SNX29: variants seen among roughly 807,000 people sequenced by gnomAD.
The protein encoded by SNX29 is sorting nexin-29.
Under a neutral mutation model 102.1 loss-of-function variants are expected in SNX29, and 78 were observed. That is an observed-to-expected ratio of 0.76 (90% CI 0.64 to 0.92). The LOEUF (loss-of-function observed/expected upper bound fraction) is 0.92. SNX29 is among the 40% of genes least tolerant of loss of function. The pLI is 0.00. For synonymous variants in SNX29, 580 were observed against 414.5 expected (o/e 1.40, Z -4.85); for missense variants, 1,280 against 1,061.7 (o/e 1.21, Z -2.86).
Position 12,571,159 on chromosome 16 carries a change from C to G in SNX29, c.*2530C>G, listed in dbSNP as rs1258559547. ...GGTCCATCTTGCTGCTCAGAAGAAT[C>G]CCGTCCTGCTCTCTAGTGTGGTGGG... is the stretch of plus-strand genomic sequence containing the variant. On this transcript the variant is annotated 3_prime_UTR_variant, in exon 21 of 21. Coordinates refer to ENST00000566228, the MANE Select transcript of SNX29 (RefSeq NM_032167.5). 1 of 232,596 alleles carries G rather than the reference C, an allele frequency of 4.3e-6. No homozygotes were observed. Among genetic ancestry groups the G allele is most frequent in the African/African-American group, 2.2e-5 (1 of 45,306 alleles). 14.4% of individuals were successfully genotyped at this position (232,596 alleles called of 1,614,324 possible). A position where few individuals can be genotyped will look rare whatever the true frequency, so the allele number is the denominator to read the frequency against.
chr16:12,470,154 A>G (rs1014178095), intron 18 of SNX29, among the ~76,000 whole-genome samples: 8 of 152,188 alleles, frequency 5.3e-5, no homozygotes, highest in African/African-American at 1.9e-4. Flanking sequence ...ACTAGTTTTC[A>G]CTCTTGAATA....
At position 12,291,231 on chromosome 16, in the gene SNX29, A is replaced by G. The variant is rs1596781607; in HGVS notation, c.1782+13195A>G. 2.0e-5 allele frequency among the ~76,000 whole-genome samples: 3 copies of G among 152,200 alleles called. No individual in the cohort carries two copies. In the East Asian group the frequency reaches 5.8e-4, roughly 29 times the overall value. On this transcript the variant is annotated intron_variant, in intron 15 of 20. Transcript: ENST00000566228. ...AAAGACATGCCCAAGACCGGGAAGA[A>G]AAAGAGGCTTAATGGACTCACAGTT...
intron 20 of SNX29, among the ~76,000 whole-genome samples, chr16:12,558,318 T>G (rs1393443476): frequency 6.6e-6 from 1 of 151,738 alleles, no homozygotes; most frequent in Non-Finnish European, 1.5e-5. Flanking sequence ...TCACCTCAAG[T>G]GGCTATCAAC....
chr16:12,113,926 G>A (rs2053589914), intron 11 of SNX29, among the ~76,000 whole-genome samples: 1 of 152,258 alleles, frequency 6.6e-6, no homozygotes, highest in Non-Finnish European at 1.5e-5. Context: ...GATTCTAGAA[G>A]ATGAGCTTGT....
chr16:12,172,436 A>T (rs986812351), intron 13 of SNX29, among the ~76,000 whole-genome samples: 1 of 152,148 alleles, frequency 6.6e-6, no homozygotes, highest in African/African-American at 2.4e-5. Flanking sequence ...AGGATGCTGG[A>T]TGGAGGAAAA....
intron 18 of SNX29, among the ~76,000 whole-genome samples, chr16:12,438,044 G>T (rs758316529): frequency 4.0e-4 from 61 of 152,246 alleles, no homozygotes; most frequent in Non-Finnish European, 7.6e-4. Context: ...CTCTTGGCCA[G>T]GGGCTGCTGG....
chr16:12,113,528 G>A (rs1468778698), intron 11 of SNX29, among the ~76,000 whole-genome samples: 3 of 152,198 alleles, frequency 2.0e-5, no homozygotes, highest in African/African-American at 7.2e-5. Context: ...ATTAATTGCA[G>A]ATTATGTGTG....
intron 18 of SNX29, among the ~76,000 whole-genome samples, chr16:12,461,646 A>G (rs966401024): frequency 6.6e-6 from 1 of 151,790 alleles, no homozygotes; most frequent in African/African-American, 2.4e-5. Flanking sequence ...TTTTCCTTTA[A>G]ATTTTTTATG....
In SNX29 at chr16:12,275,854, C is replaced by T. The variant is rs538447993; in HGVS notation, c.1679-2079C>T. 4.7e-5 allele frequency among the ~76,000 whole-genome samples: 7 copies of T among 148,210 alleles called. No homozygotes were observed. In the East Asian group the frequency reaches 1.4e-3, roughly 29 times the overall value. On this transcript the variant is annotated intron_variant, in intron 14 of 20. Coordinates refer to ENST00000566228, the MANE Select transcript of SNX29 (RefSeq NM_032167.5). ...AAATCTGGGTACTTACCATATTCAT[C>T]ATCACCTCATAGGAAACATTTTAAT...
At chr16:12,097,889 G>A (rs1265209160) in intron 11 of SNX29, among the ~76,000 whole-genome samples, 2 of 152,370 alleles carry the variant, frequency 1.3e-5, no homozygotes, top group African/African-American at 4.8e-5. Flanking sequence ...TGGGGAGGCA[G>A]CTGGGTGTGA....
At chr16:12,206,273 G>A (rs2077041604) in intron 14 of SNX29, among the ~76,000 whole-genome samples, 1 of 151,992 alleles carries the variant, frequency 6.6e-6, no homozygotes, top group Non-Finnish European at 1.5e-5. Context: ...GTTTGATCCA[G>A]GGGCTGCAAC....
intron 18 of SNX29, among the ~76,000 whole-genome samples, chr16:12,473,973 C>G (rs2087475921): frequency 6.6e-6 from 1 of 152,198 alleles, no homozygotes; most frequent in Non-Finnish European, 1.5e-5. Flanking sequence ...TATTCCTTTA[C>G]TTTCCTAATC....
chr16:12,132,775 G>T (rs948755152), intron 13 of SNX29, among the ~76,000 whole-genome samples: 1 of 152,216 alleles, frequency 6.6e-6, no homozygotes, highest in Non-Finnish European at 1.5e-5. Flanking sequence ...CTGAAAGTTT[G>T]CAGTCTGTAG....
chr16:12,545,570 A>G (rs754647170), intron 20 of SNX29: 1 of 152,174 alleles, frequency 6.6e-6, no homozygotes, highest in Non-Finnish European at 1.5e-5. Context: ...GTTTGAGTAG[A>G]TGGAGGAACC....
chr16:12,013,500 A>AAAATATATATATATATATATATAT, intron 3 of SNX29, among the ~76,000 whole-genome samples: 2 of 31,626 alleles, frequency 6.3e-5, no homozygotes, highest in Admixed American at 5.6e-4. Context: ...AAAAAAAAAA[A>AAAATATATATATATATATATATAT]ATATATATAT....
chr16:12,165,940 C>T (rs1279592464), intron 13 of SNX29, among the ~76,000 whole-genome samples: 1 of 152,242 alleles, frequency 6.6e-6, no homozygotes, highest in African/African-American at 2.4e-5. Context: ...GGATCTACCA[C>T]CTCACCTCTC....
chr16:12,521,390 G>A (rs1014481952), intron 19 of SNX29, among the ~76,000 whole-genome samples: 5 of 151,818 alleles, frequency 3.3e-5, no homozygotes, highest in African/African-American at 1.2e-4. Flanking sequence ...TTTCTCCAGG[G>A]GCCTCTGGGA....
intron 15 of SNX29, among the ~76,000 whole-genome samples, chr16:12,306,620 T>C (rs1055584418): frequency 6.6e-6 from 1 of 152,196 alleles, no homozygotes; most frequent in Non-Finnish European, 1.5e-5. Context: ...CCAGCGGAAA[T>C]TGAAGGCAAC....
At position 12,242,352 on chromosome 16, in the gene SNX29, A is replaced by AATAT. The variant is rs1272895007; in HGVS notation, c.1679-35568_1679-35565dup. ...ATAGGAGAATCTAATTATATATAATAATATATATATATATATTTTTTTTTT... is the reference window on the plus strand; with the variant it reads ...ATAGGAGAATCTAATTATATATAATAATATATATATATATATATATTTTTTTTTT... On this transcript the variant is annotated intron_variant, in intron 14 of 20. Transcript: ENST00000566228. 2.4e-3 allele frequency among the ~76,000 whole-genome samples: 337 copies of AATAT among 137,966 alleles called. 3 individuals are homozygous for AATAT. Among genetic ancestry groups the AATAT allele is most frequent in the African/African-American group, 9.3e-3 (330 of 35,418 alleles). 90.5% of individuals were successfully genotyped at this position (137,966 alleles called of 152,430 possible). A position where few individuals can be genotyped will look rare whatever the true frequency, so the allele number is the denominator to read the frequency against.
Sources: allele counts gnomAD v4.1 joint callset (sites outside exome capture counted in the v4.1 genomes callset), GRCh38; gene constraint gnomAD v4.1.1; transcripts MANE v1.5; gene names NCBI Gene and HGNC (gene_info 2026-07-23, HGNC 2026-07-21).